Variants in LARP4 observed in about 807,000 individuals in gnomAD.
LARP4 encodes the protein La ribonucleoprotein 4, also known as la-related protein 4.
LARP4 carries 29 observed loss-of-function variants against 92.9 expected under a neutral mutation model. The observed-to-expected ratio is 0.31, with a 90% CI of 0.23 to 0.43. The LOEUF is 0.43. LARP4 is among the 20% of genes least tolerant of loss of function. LARP4 has a pLI of 1.00. For missense variants in LARP4, 732 were observed against 860.0 expected (o/e 0.85, Z 1.86); for synonymous variants, 279 against 284.1 (o/e 0.98, Z 0.18).
intron 15 of LARP4, 47 bp downstream of exon 15, chr12:50,474,214 G>A: frequency 3.7e-6 from 5 of 1,356,786 alleles, no homozygotes. Context: ...CAATAGATTA[G>A]ATTTTTTTTT....
At chr12:50,463,790 C>T (rs1336197214) in intron 12 of LARP4, among the ~76,000 whole-genome samples, 1 of 152,156 alleles carries the variant, frequency 6.6e-6, no homozygotes, top group Non-Finnish European at 1.5e-5. Flanking sequence ...CGGTGGCCCT[C>T]TTCTGCCACT....
intron 10 of LARP4, among the ~76,000 whole-genome samples, chr12:50,456,607 A>G (rs1954289840): frequency 1.3e-5 from 2 of 152,194 alleles, no homozygotes; most frequent in South Asian, 4.1e-4. Flanking sequence ...CTTAGAGAGA[A>G]TAGGACTAAC....
At chr12:50,444,356 T>C (rs958519971) in intron 8 of LARP4, among the ~76,000 whole-genome samples, 1 of 152,232 alleles carries the variant, frequency 6.6e-6, no homozygotes, top group Non-Finnish European at 1.5e-5. Context: ...GTCTCAGATA[T>C]AGTAGTAAAA....
intron 12 of LARP4, among the ~76,000 whole-genome samples, chr12:50,465,526 A>T (rs757597812): frequency 3.3e-5 from 5 of 152,186 alleles, no homozygotes; most frequent in Non-Finnish European, 7.3e-5. Context: ...GGGAGATCTT[A>T]GCTGGGAATA....
At chr12:50,418,024 C>T (rs530094618) in intron 1 of LARP4, among the ~76,000 whole-genome samples, 1 of 152,312 alleles carries the variant, frequency 6.6e-6, no homozygotes, top group African/African-American at 2.4e-5. Flanking sequence ...CCACGCCCGG[C>T]TAATTTTTGT....
At chr12:50,409,285 T>C (rs937977045) in intron 1 of LARP4, among the ~76,000 whole-genome samples, 1 of 152,172 alleles carries the variant, frequency 6.6e-6, no homozygotes, top group African/African-American at 2.4e-5. Context: ...ATCTCTCTGC[T>C]TCCTTATCTG....
chr12:50,421,540 G>T (rs1040904651), intron 1 of LARP4, among the ~76,000 whole-genome samples: 17 of 152,076 alleles, frequency 1.1e-4, no homozygotes, highest in African/African-American at 3.9e-4. Flanking sequence ...TTCTCTTAAG[G>T]CTGAGGCAGG....
chr12:50,448,647 C>T (rs1228790578), intron 8 of LARP4, among the ~76,000 whole-genome samples: 1 of 151,986 alleles, frequency 6.6e-6, no homozygotes, highest in East Asian at 1.9e-4. Flanking sequence ...GCTTCAGCCT[C>T]CTGAGTAGCT....
intron 4 of LARP4, among the ~76,000 whole-genome samples, chr12:50,432,259 TA>T (rs1211070869): frequency 6.6e-6 from 1 of 152,210 alleles, no homozygotes; most frequent in Non-Finnish European, 1.5e-5. Flanking sequence ...AACAGAACCA[TA>T]GAAGATGTAG....
chr12:50,411,521 G>A (rs1413547690), intron 1 of LARP4, among the ~76,000 whole-genome samples: 1 of 151,722 alleles, frequency 6.6e-6, no homozygotes, highest in Non-Finnish European at 1.5e-5. Context: ...TAGAGATGGG[G>A]TTTCACCATG....
chr12:50,468,115 G>A (rs930576417), intron 13 of LARP4, among the ~76,000 whole-genome samples: 1 of 151,980 alleles, frequency 6.6e-6, no homozygotes, highest in African/African-American at 2.4e-5. Context: ...GAGTAGCTGG[G>A]ATTATAGGCA....
chr12:50,428,828 C>A, intron 2 of LARP4, 107 bp from the exon 3 acceptor site: 1 of 797,030 alleles, frequency 1.3e-6, no homozygotes, highest in Non-Finnish European at 1.9e-6. Flanking sequence ...ATATTTCAAA[C>A]TGGTAGAAAT....
intron 8 of LARP4, among the ~76,000 whole-genome samples, chr12:50,453,032 C>T (rs915564577): frequency 6.6e-6 from 1 of 151,758 alleles, no homozygotes; most frequent in Non-Finnish European, 1.5e-5. Context: ...CACTCTGCCT[C>T]CCAAGCAGCT....
At chr12:50,408,487 G>A (rs907549522) in intron 1 of LARP4, among the ~76,000 whole-genome samples, 1 of 152,104 alleles carries the variant, frequency 6.6e-6, no homozygotes, top group East Asian at 1.9e-4. Context: ...ATGAGCCACC[G>A]CACCCGGCGA....
chr12:50,462,257 G>A (rs550624621), intron 11 of LARP4, among the ~76,000 whole-genome samples: 1 of 151,822 alleles, frequency 6.6e-6, no homozygotes, highest in Non-Finnish European at 1.5e-5. Context: ...TGGGGCAGGC[G>A]GATCATGAGG....
At chr12:50,473,298 G>T (rs1263381152) in intron 13 of LARP4, 117 bp from the exon 14 acceptor site, 2 of 698,430 alleles carry the variant, frequency 2.9e-6, no homozygotes, top group Admixed American at 2.7e-5. Flanking sequence ...CCGTGGTTTA[G>T]CTTTGCATTT....
rs1269921396 is a variant in LARP4 at position 50,479,098 on chromosome 12, T to C, written c.*3234T>C. ...TAAAGAAGAACAAAAAGAATGTTGC[T>C]GGAACGTAAAATAGTATTTAAAAGT... On this transcript the variant is annotated 3_prime_UTR_variant, in exon 16 of 16. Transcript: ENST00000398473. 6.6e-6 allele frequency: 1 copy of C among 152,616 alleles called. No individual in the cohort carries two copies. Among genetic ancestry groups the C allele is most frequent in the East Asian group, 1.9e-4 (1 of 5,202 alleles). 9.5% of individuals were successfully genotyped at this position (152,616 alleles called of 1,614,324 possible).
intron 1 of LARP4, chr12:50,421,388 A>G (rs1947761853): frequency 3.3e-6 from 2 of 598,016 alleles, no homozygotes; most frequent in Admixed American, 1.3e-4. Flanking sequence ...TCACACCTGT[A>G]ATCCCAGCAC....
intron 10 of LARP4, among the ~76,000 whole-genome samples, chr12:50,456,200 ACAGC>A (rs1954211019): frequency 6.6e-6 from 1 of 152,156 alleles, no homozygotes; most frequent in East Asian, 1.9e-4. Context: ...CTTTTTGGTG[ACAGC>A]CAGGAATGAC....
Sources: gnomAD v4.1 joint callset for allele counts (sites outside exome capture counted in the v4.1 genomes callset) on GRCh38, gnomAD v4.1.1 for gene constraint, MANE v1.5 for transcripts, NCBI Gene and HGNC (gene_info 2026-07-23, HGNC 2026-07-21) for gene names.